The following ARHGAP24 variants were observed in gnomAD, a reference collection of about 807,000 sequenced individuals.
ARHGAP24 encodes Rho GTPase activating protein 24, also known as rho GTPase-activating protein 24.
ARHGAP24 carries 50 observed loss-of-function variants against 76.4 expected under a neutral mutation model. The ratio of observed to expected loss-of-function variants is 0.65; its 90% CI spans 0.52 to 0.83. The LOEUF is 0.83. Ranked by LOEUF, ARHGAP24 falls within the 40% of genes least tolerant of loss-of-function variation. The pLI is 0.00. For missense variants in ARHGAP24, 930 were observed against 914.2 expected (o/e 1.02, Z -0.22); for synonymous variants, 345 against 323.3 (o/e 1.07, Z -0.72).
At chr4:85,619,335 T>TA (rs149963524) in intron 2 of ARHGAP24, among the ~76,000 whole-genome samples, 9,926 of 152,080 alleles carry the variant, frequency 0.065, 1,077 homozygotes, top group African/African-American at 0.23. Context: ...TGTCTGTTTT[T>TA]ATGCTGATAC....
chr4:85,912,259 C>T (rs1735133699), intron 3 of ARHGAP24, among the ~76,000 whole-genome samples: 1 of 152,064 alleles, frequency 6.6e-6, no homozygotes, highest in Non-Finnish European at 1.5e-5. Context: ...GATGTATGTT[C>T]TATGAAGCAG....
At chr4:85,778,745 A>G in intron 3 of ARHGAP24, 1 of 985,412 alleles carries the variant, frequency 1.0e-6, no homozygotes, top group Non-Finnish European at 1.2e-6. Flanking sequence ...AGGAGGAGAA[A>G]GAAAATTAGC....
intron 3 of ARHGAP24, among the ~76,000 whole-genome samples, chr4:85,732,435 G>C (rs1382406945): frequency 2.6e-5 from 4 of 152,166 alleles, no homozygotes; most frequent in African/African-American, 7.2e-5. Context: ...TGAGACCTGT[G>C]CCAACTCTCA....
chr4:85,784,822 T>C (rs1039282924), intron 3 of ARHGAP24, among the ~76,000 whole-genome samples: 4 of 152,042 alleles, frequency 2.6e-5, no homozygotes, highest in African/African-American at 9.7e-5. Flanking sequence ...AATTCCCTCT[T>C]GTTAGCCTAC....
In ARHGAP24 at chr4:85,997,371, T is replaced by TATAG. The variant is rs70948774; in HGVS notation, c.2003+1754_2003+1757dup. Among the ~76,000 whole-genome samples the TATAG allele has an allele frequency of 7.2e-3, 1,059 of 147,622 alleles. 5 individuals are homozygous for TATAG. The highest frequency in any genetic ancestry group is 0.016 in the East Asian group (77 of 4,954). ...AGATAGATAATAGATAGATGATAGA[T>TATAG]ATAGATAGATAGATAGATAGATAGA... On this transcript the variant is annotated intron_variant, in intron 9 of 9. Coordinates refer to ENST00000395184, the MANE Select transcript of ARHGAP24 (RefSeq NM_001025616.3).
At chr4:85,864,316 G>C (rs542120093) in intron 3 of ARHGAP24, among the ~76,000 whole-genome samples, 2 of 152,122 alleles carry the variant, frequency 1.3e-5, no homozygotes, top group Non-Finnish European at 2.9e-5. Context: ...TATCACTTGG[G>C]GGCTTGGGGG....
intron 1 of ARHGAP24, among the ~76,000 whole-genome samples, chr4:85,569,540 T>A (rs1726991399): frequency 6.6e-6 from 1 of 152,212 alleles, no homozygotes; most frequent in African/African-American, 2.4e-5. Flanking sequence ...TGCTTATGTA[T>A]AGGTAGTATG....
intron 3 of ARHGAP24, among the ~76,000 whole-genome samples, chr4:85,841,952 T>G (rs1730614896): frequency 6.6e-6 from 1 of 152,228 alleles, no homozygotes; most frequent in Non-Finnish European, 1.5e-5. Context: ...CAAGCCCTAC[T>G]TGGCCTTTTC....
At chr4:85,874,948 T>A (rs1472364657) in intron 3 of ARHGAP24, among the ~76,000 whole-genome samples, 2 of 121,580 alleles carry the variant, frequency 1.6e-5, no homozygotes, top group South Asian at 2.2e-4. Context: ...TAATATATTT[T>A]TATATAATTT....
intron 3 of ARHGAP24, among the ~76,000 whole-genome samples, chr4:85,866,348 C>CA (rs1002074191): frequency 1.3e-5 from 2 of 151,918 alleles, no homozygotes; most frequent in Non-Finnish European, 2.9e-5. Context: ...TTCTGACTTA[C>CA]AAAAAAATGG....
At chr4:85,495,508 G>A (rs796671286) in intron 1 of ARHGAP24, among the ~76,000 whole-genome samples, 17 of 110,522 alleles carry the variant, frequency 1.5e-4, no homozygotes, top group South Asian at 4.0e-4. Context: ...CCGCCACCAC[G>A]CCCAGCTAAT....
chr4:85,990,929 G>A (rs1740283903), intron 8 of ARHGAP24: 3 of 152,004 alleles, frequency 2.0e-5, no homozygotes, highest in South Asian at 2.1e-4. Context: ...TTGATAAGTT[G>A]GACTTTGTCA....
intron 1 of ARHGAP24, among the ~76,000 whole-genome samples, chr4:85,487,561 T>C (rs1299801697): frequency 9.1e-6 from 1 of 109,448 alleles, no homozygotes; most frequent in East Asian, 2.8e-4. Flanking sequence ...TTACATATTA[T>C]ATAAACATAT....
intron 1 of ARHGAP24, among the ~76,000 whole-genome samples, chr4:85,491,525 G>A (rs2110093708): frequency 6.6e-6 from 1 of 151,980 alleles, no homozygotes; most frequent in Non-Finnish European, 1.5e-5. Context: ...AATCACCTTG[G>A]GTCTGTTTAA....
At chr4:85,753,903 G>A (rs1383147118) in intron 3 of ARHGAP24, among the ~76,000 whole-genome samples, 1 of 151,976 alleles carries the variant, frequency 6.6e-6, no homozygotes, top group Non-Finnish European at 1.5e-5. Flanking sequence ...TCTTTGTGTT[G>A]GAAACATTAC....
At chr4:85,666,698 A>T (rs971587106) in intron 2 of ARHGAP24, among the ~76,000 whole-genome samples, 1 of 152,050 alleles carries the variant, frequency 6.6e-6, no homozygotes, top group Non-Finnish European at 1.5e-5. Flanking sequence ...TCTGTTTGTT[A>T]GTTTTCCTTT....
chr4:85,972,415 A>G, intron 6 of ARHGAP24: 1 of 499,630 alleles, frequency 2.0e-6, no homozygotes, highest in Non-Finnish European at 3.6e-6. Flanking sequence ...TTCTTTCCCT[A>G]AATGATAAAT....
At chr4:85,514,366 C>G (rs1724404050) in intron 1 of ARHGAP24, among the ~76,000 whole-genome samples, 1 of 152,268 alleles carries the variant, frequency 6.6e-6, no homozygotes, top group South Asian at 2.1e-4. Flanking sequence ...AAACTACTTT[C>G]ACTTTAATCT....
At chr4:85,809,181 C>A (rs1372057451) in intron 3 of ARHGAP24, among the ~76,000 whole-genome samples, 1 of 152,104 alleles carries the variant, frequency 6.6e-6, no homozygotes, top group Non-Finnish European at 1.5e-5. Flanking sequence ...TTTCTCTAGT[C>A]ATCACTATAA....
Sources: gnomAD v4.1 joint callset for allele counts (sites outside exome capture counted in the v4.1 genomes callset) on GRCh38, gnomAD v4.1.1 for gene constraint, MANE v1.5 for transcripts, NCBI Gene and HGNC (gene_info 2026-07-23, HGNC 2026-07-21) for gene names.